The following KIF14 variants were observed in gnomAD, a reference collection of about 807,000 sequenced individuals.
KIF14 encodes kinesin family member 14.
KIF14 carries 98 observed loss-of-function variants against 176.2 expected under a neutral mutation model. The observed-to-expected ratio is 0.56, with a 90% CI of 0.47 to 0.66. The LOEUF (loss-of-function observed/expected upper bound fraction) is 0.66. KIF14 is among the 30% of genes least tolerant of loss of function. KIF14 has a pLI of 0.00. For missense variants in KIF14, 1,751 were observed against 1,920.4 expected (o/e 0.91, Z 1.65); for synonymous variants, 566 against 632.2 (o/e 0.90, Z 1.57).
At chr1:200,554,375 A>ATCTCG in intron 29 of KIF14, 93 bp downstream of exon 29, 1 of 831,984 alleles carries the variant, frequency 1.2e-6, no homozygotes, top group South Asian at 1.7e-5. Context: ...TGAGTGACAG[A>ATCTCG]GCGAGACTCC....
At chr1:200,606,628 T>A (rs1301384286) in intron 6 of KIF14, 118 bp downstream of exon 6, 18 of 865,124 alleles carry the variant, frequency 2.1e-5, no homozygotes, top group Non-Finnish European at 3.5e-5. Context: ...AAATAAATAG[T>A]TACCCAGGGT....
At chr1:200,597,648 G>C (rs1330354321) in intron 14 of KIF14, among the ~76,000 whole-genome samples, 1 of 151,206 alleles carries the variant, frequency 6.6e-6, no homozygotes. Flanking sequence ...AGCTACTAAA[G>C]TTGAATATGC....
At chr1:200,560,020 G>A (rs1254793337) in intron 26 of KIF14, among the ~76,000 whole-genome samples, 1 of 152,122 alleles carries the variant, frequency 6.6e-6, no homozygotes, top group African/African-American at 2.4e-5. Flanking sequence ...CTCCCAAAGT[G>A]TTGGGATTAC....
chr1:200,570,975 T>C (rs539671599), intron 22 of KIF14, among the ~76,000 whole-genome samples: 4 of 152,168 alleles, frequency 2.6e-5, no homozygotes, highest in Non-Finnish European at 5.9e-5. Context: ...GTGTACTCAA[T>C]GTTTCAAGGA....
chr1:200,582,026 T>C (rs1487164220), intron 19 of KIF14, among the ~76,000 whole-genome samples: 1 of 152,122 alleles, frequency 6.6e-6, no homozygotes, highest in Non-Finnish European at 1.5e-5. Flanking sequence ...TGCCTCAGCC[T>C]TCCAAAATGC....
intron 20 of KIF14, 112 bp downstream of exon 20, chr1:200,581,088 TG>T (rs1658416002): frequency 2.0e-6 from 1 of 500,264 alleles, no homozygotes; most frequent in Non-Finnish European, 3.2e-6. Flanking sequence ...CACTCCAGCC[TG>T]GGCAACAGAG....
rs767661483 is a variant in KIF14 at position 200,602,096 on chromosome 1, G to T, written c.1980-28C>A. The T allele has an allele frequency of 5.6e-6, 9 of 1,594,284 alleles. No homozygotes were observed. The South Asian group carries it at 7.9e-5, about 14-fold the overall frequency. On this transcript the variant is annotated intron_variant, in intron 10 of 29. Transcript: ENST00000367350. The stretch of plus-strand genomic sequence containing the variant: ...ACAAGAAAAAAAGTCATAAGACTTT[G>T]CTTCTACAACAACTTAATAACAGTA...
At chr1:200,570,368 G>A (rs148648723) in intron 22 of KIF14, among the ~76,000 whole-genome samples, 3 of 152,200 alleles carry the variant, frequency 2.0e-5, no homozygotes, top group South Asian at 2.1e-4. Context: ...GGCATAGAGT[G>A]TTGTGGTAGA....
intron 22 of KIF14, among the ~76,000 whole-genome samples, chr1:200,574,066 C>T (rs961986657): frequency 6.6e-6 from 1 of 152,158 alleles, no homozygotes; most frequent in African/African-American, 2.4e-5. Flanking sequence ...TCAGTTTCTT[C>T]ATCTGTAAAA....
At chr1:200,595,000 T>C (rs1052706336) in intron 14 of KIF14, among the ~76,000 whole-genome samples, 16 of 152,152 alleles carry the variant, frequency 1.1e-4, no homozygotes, top group African/African-American at 3.6e-4. Flanking sequence ...CGCCCCACAA[T>C]CTGGCTTCAA....
At chr1:200,556,858 C>G (rs1338714945) in intron 27 of KIF14, among the ~76,000 whole-genome samples, 1 of 152,176 alleles carries the variant, frequency 6.6e-6, no homozygotes, top group Non-Finnish European at 1.5e-5. Flanking sequence ...TCTGAATGAG[C>G]CTTTGACAGC....
At chr1:200,615,252 T>C in intron 3 of KIF14, 103 bp downstream of exon 3, 1 of 1,231,154 alleles carries the variant, frequency 8.1e-7, no homozygotes, top group African/African-American at 1.5e-5. Flanking sequence ...TGGGCCAAGA[T>C]CTGTGTGATT....
chr1:200,570,872 G>A (rs1657746551), intron 22 of KIF14, among the ~76,000 whole-genome samples: 1 of 152,134 alleles, frequency 6.6e-6, no homozygotes, highest in Non-Finnish European at 1.5e-5. Flanking sequence ...CATAATACCT[G>A]ATGGTATTAA....
At chr1:200,587,537 G>A (rs1558068754) in intron 18 of KIF14, among the ~76,000 whole-genome samples, 4 of 152,096 alleles carry the variant, frequency 2.6e-5, no homozygotes, top group Admixed American at 1.3e-4. Flanking sequence ...TTTTGGGGCC[G>A]GGTGCGGTGG....
intron 16 of KIF14, among the ~76,000 whole-genome samples, chr1:200,590,581 GA>G (rs1252652612): frequency 6.6e-6 from 1 of 152,066 alleles, no homozygotes; most frequent in African/African-American, 2.4e-5. Flanking sequence ...CAATTTTACT[GA>G]AAAAAAGAAT....
chr1:200,558,468 G>A (rs1003662961), intron 27 of KIF14, among the ~76,000 whole-genome samples: 2 of 152,090 alleles, frequency 1.3e-5, no homozygotes, highest in African/African-American at 4.8e-5. Context: ...CCTGGCTCAG[G>A]GCTTAATAGT....
rs144136846 is a variant in KIF14 at position 200,612,318 on chromosome 1, C to A, written c.1455+2000G>T. ...ATGCCTGGCCAACCAGGCTCTTAAG[C>A]ATTCATTACACTATGTTATTCAATG... is the stretch of plus-strand genomic sequence containing the variant. On this transcript the variant is annotated intron_variant, in intron 4 of 29. Transcript: ENST00000367350. Among the ~76,000 whole-genome samples, 95 of 152,256 alleles carry A rather than the reference C, an allele frequency of 6.2e-4. 1 individual carries two copies. The highest frequency in any genetic ancestry group is 2.1e-3 in the African/African-American group (87 of 41,568).
intron 26 of KIF14, among the ~76,000 whole-genome samples, 159 bp downstream of exon 26, chr1:200,560,563 C>T (rs1657084012): frequency 6.6e-6 from 1 of 152,246 alleles, no homozygotes; most frequent in East Asian, 1.9e-4. Context: ...TAAGCCACCA[C>T]ACCCGGCCCA....
chr1:200,565,334 A>C, intron 24 of KIF14, 81 bp from the exon 25 acceptor site: 1 of 1,439,296 alleles, frequency 6.9e-7, no homozygotes, highest in Non-Finnish European at 9.4e-7. Flanking sequence ...TAAAACATTT[A>C]ACACAGTTAA....
Sources: allele counts gnomAD v4.1 joint callset (sites outside exome capture counted in the v4.1 genomes callset), GRCh38; gene constraint gnomAD v4.1.1; transcripts MANE v1.5; gene names NCBI Gene and HGNC (gene_info 2026-07-23, HGNC 2026-07-21).